The following NF1 variants were observed in gnomAD, a reference collection of about 807,000 sequenced individuals.
NF1 encodes the protein neurofibromin 1, also known as neurofibromin.
In NF1, 122 loss-of-function variants were observed where a neutral mutation model predicts 325.7. The ratio of observed to expected loss-of-function variants is 0.37; its 90% CI spans 0.32 to 0.44. The LOEUF (loss-of-function observed/expected upper bound fraction) is 0.44, where lower values mean the gene tolerates loss of function less well. Ranked by LOEUF, NF1 falls within the 20% of genes least tolerant of loss-of-function variation. The pLI is 1.00. For synonymous variants in NF1, 1,091 were observed against 1,186.0 expected (o/e 0.92, Z 1.65); for missense variants, 2,140 against 3,415.4 (o/e 0.63, Z 9.31).
At chr17:31,191,475 C>T (rs1213480700) in intron 8 of NF1, among the ~76,000 whole-genome samples, 1 of 152,142 alleles carries the variant, frequency 6.6e-6, no homozygotes, top group Non-Finnish European at 1.5e-5. Flanking sequence ...GACTCGGCAA[C>T]ATGTGTAAAT....
At chr17:31,150,890 C>T (rs762342533) in intron 1 of NF1, among the ~76,000 whole-genome samples, 7 of 151,920 alleles carry the variant, frequency 4.6e-5, no homozygotes, top group Non-Finnish European at 8.8e-5. Context: ...AAAAATTAGC[C>T]AGGCAATGGT....
chr17:31,123,895 A>T (rs1477241726), intron 1 of NF1, among the ~76,000 whole-genome samples: 1 of 152,014 alleles, frequency 6.6e-6, no homozygotes. Context: ...TCTCTTTTCT[A>T]TTATTTTTGT....
chr17:31,099,469 T>C (rs1235761650), intron 1 of NF1, among the ~76,000 whole-genome samples: 3 of 152,094 alleles, frequency 2.0e-5, no homozygotes, highest in Admixed American at 6.5e-5. Context: ...CTGAATGTTA[T>C]CAGTTAAATC....
intron 1 of NF1, among the ~76,000 whole-genome samples, chr17:31,103,308 T>C (rs2143229465): frequency 6.6e-6 from 1 of 152,130 alleles, no homozygotes; most frequent in South Asian, 2.1e-4. Flanking sequence ...AGTGGTACAA[T>C]TTTGGCTCAC....
intron 12 of NF1, among the ~76,000 whole-genome samples, chr17:31,212,678 C>T (rs531239828): frequency 1.4e-4 from 22 of 152,154 alleles, no homozygotes; most frequent in Non-Finnish European, 2.4e-4. Flanking sequence ...CCACTGCACT[C>T]CAGCCTGGGC....
intron 48 of NF1, chr17:31,345,639 C>T (rs1238518515): frequency 1.2e-5 from 19 of 1,613,808 alleles, no homozygotes; most frequent in Admixed American, 1.7e-5. Flanking sequence ...CCACTTCTTG[C>T]GGGAGAACAT....
rs17885122 is a variant in NF1, at chr17:31,160,290, G to T, written c.288+1197G>T. On this transcript the variant is annotated intron_variant, in intron 3 of 57. Transcript: ENST00000358273. ...TTCATAAGCCATGGGGGTTCACTAT[G>T]TTGGTCAGGCTAGTTTTGAACTCCT... Among the ~76,000 whole-genome samples the T allele has an allele frequency of 3.2e-3, 491 of 152,200 alleles. 2 individuals are homozygous for T. Among genetic ancestry groups the T allele is most frequent in the African/African-American group, 0.011 (468 of 41,522 alleles).
At chr17:31,324,840 G>C (rs2069302420) in intron 36 of NF1, among the ~76,000 whole-genome samples, 1 of 152,210 alleles carries the variant, frequency 6.6e-6, no homozygotes, top group Non-Finnish European at 1.5e-5. Context: ...GGGAATACAG[G>C]CGTGAGCCAC....
intron 11 of NF1, 51 bp downstream of exon 11, chr17:31,201,536 T>C (rs748674411): frequency 6.0e-6 from 8 of 1,324,674 alleles, no homozygotes; most frequent in Non-Finnish European, 8.7e-6. Context: ...TTTCTTTCTT[T>C]TCTTTGCGTA....
intron 1 of NF1, among the ~76,000 whole-genome samples, chr17:31,096,024 C>CGT (rs1911673516): frequency 6.6e-6 from 1 of 151,950 alleles, no homozygotes; most frequent in Non-Finnish European, 1.5e-5. Context: ...CCTACAACGT[C>CGT]GTCCCCCATA....
chr17:31,232,908 G>C (rs2151434988), intron 26 of NF1, 27 bp downstream of exon 26: 1 of 1,613,738 alleles, frequency 6.2e-7, no homozygotes, highest in Non-Finnish European at 8.5e-7. Context: ...GTTTCATATA[G>C]AAATACAAAA....
At position 31,141,367 on chromosome 17, in the gene NF1, G is replaced by C. The variant is rs115560735; in HGVS notation, c.61-14616G>C. 3.5e-3 allele frequency among the ~76,000 whole-genome samples: 525 copies of C among 151,732 alleles called. 2 individuals carry two copies. The highest frequency in any genetic ancestry group is 0.012 in the African/African-American group (497 of 41,334). On this transcript the variant is annotated intron_variant, in intron 1 of 57. Transcript: ENST00000358273. The stretch of plus-strand genomic sequence containing the variant: ...CCAGAAATTCTATTCTTTCAGATGA[G>C]AGACATCTATGTGATTTTAGGTATT...
intron 27 of NF1, 129 bp from the exon 28 acceptor site, chr17:31,235,482 C>A: frequency 1.2e-6 from 1 of 853,172 alleles, no homozygotes; most frequent in Non-Finnish European, 2.0e-6. Flanking sequence ...AAATATTAAT[C>A]AGTCATCATT....
At chr17:31,258,244 A>T in intron 31 of NF1, 100 bp from the exon 32 acceptor site, 1 of 1,280,976 alleles carries the variant, frequency 7.8e-7, no homozygotes, top group Non-Finnish European at 1.1e-6. Context: ...GGACTGATTG[A>T]TTCAGAGTTT....
chr17:31,128,077 G>C (rs1178320266), intron 1 of NF1, among the ~76,000 whole-genome samples: 1 of 151,522 alleles, frequency 6.6e-6, no homozygotes, highest in African/African-American at 2.4e-5. Context: ...GAGTAGCTGG[G>C]ACCACAGGCG....
intron 8 of NF1, chr17:31,183,101 A>G (rs565661731): frequency 8.1e-6 from 3 of 369,624 alleles, no homozygotes; most frequent in Non-Finnish European, 9.7e-6. Context: ...CAGTTTTCAA[A>G]GAATTTTGCC....
intron 1 of NF1, among the ~76,000 whole-genome samples, chr17:31,121,900 C>CA (rs1038743641): frequency 1.1e-4 from 16 of 152,122 alleles, no homozygotes; most frequent in African/African-American, 3.9e-4. Context: ...TTTCATCCTA[C>CA]AAAAATTATT....
chr17:31,221,870 G>T lies in NF1; in HGVS notation c.1662G>T (p.Gln554His), dbSNP rs147594815. ...TTCAGGCTCTGCTGGTTCTTCATCA[G>T]TTAGATAGCATTGATTTGTGGAATC... ...EAMEALLVLH[Q>H]LDSIDLWNPD... Residue 554 changes from glutamine (Q) to histidine (H), a missense_variant, in exon 15 of 58, where the codon CAG becomes CAT. Gln to His is a conservative substitution (Grantham distance 24). Coordinates refer to ENST00000358273, the MANE Select transcript of NF1 (RefSeq NM_001042492.3). 3.1e-6 allele frequency: 5 copies of T among 1,606,238 alleles called. No individual in the cohort carries two copies. Among genetic ancestry groups the T allele is most frequent in the Admixed American group, 1.7e-5 (1 of 59,972 alleles).
chr17:31,104,623 GT>G (rs1912681730), intron 1 of NF1, among the ~76,000 whole-genome samples: 1 of 152,170 alleles, frequency 6.6e-6, no homozygotes, highest in South Asian at 2.1e-4. Flanking sequence ...GAGACCATTT[GT>G]TTTGATCTTG....
Sources: gnomAD v4.1 joint callset for allele counts (sites outside exome capture counted in the v4.1 genomes callset) on GRCh38, gnomAD v4.1.1 for gene constraint, MANE v1.5 for transcripts, NCBI Gene and HGNC (gene_info 2026-07-23, HGNC 2026-07-21) for gene names.